Variants in CSMD1 observed in about 807,000 individuals in gnomAD.
CSMD1 encodes the protein CUB and sushi domain-containing protein 1.
A neutral mutation model predicts 417.5 loss-of-function variants in CSMD1; 213 were observed. The ratio of observed to expected loss-of-function variants is 0.51; its 90% CI spans 0.46 to 0.57. The LOEUF (loss-of-function observed/expected upper bound fraction) is 0.57. Ranked by LOEUF, CSMD1 falls within the 20% of genes least tolerant of loss-of-function variation. The pLI, the probability that CSMD1 is intolerant of heterozygous loss-of-function variation, is 0.00. For missense variants in CSMD1, 6,923 were observed against 4,529.7 expected, an observed-to-expected ratio of 1.53 and a Z score of -15.17; for synonymous variants, 2,862 against 1,736.8, an observed-to-expected ratio of 1.65 and a Z score of -16.11.
At chr8:3,062,372 T>G (rs896053999) in intron 49 of CSMD1, among the ~76,000 whole-genome samples, 1 of 152,168 alleles carries the variant, frequency 6.6e-6, no homozygotes, top group African/African-American at 2.4e-5. Context: ...TTTTCTTTAC[T>G]ATGTGTAGGT....
At chr8:3,481,594 G>C (rs953498498) in intron 11 of CSMD1, among the ~76,000 whole-genome samples, 5 of 152,204 alleles carry the variant, frequency 3.3e-5, no homozygotes, top group East Asian at 1.9e-4. Context: ...ATGTGATTAA[G>C]TTAAGGATCG....
intron 5 of CSMD1, among the ~76,000 whole-genome samples, chr8:3,962,135 C>A (rs759250245): frequency 3.3e-5 from 5 of 152,134 alleles, no homozygotes; most frequent in Non-Finnish European, 2.9e-5. Context: ...CTGTGTCCAG[C>A]CCACACCTGA....
chr8:3,966,858 T>C (rs1350258599), intron 5 of CSMD1, among the ~76,000 whole-genome samples: 1 of 152,216 alleles, frequency 6.6e-6, no homozygotes, highest in Non-Finnish European at 1.5e-5. Flanking sequence ...AGCTCTATTA[T>C]GCTGCATACA....
chr8:3,555,520 G>C (rs930139378), intron 10 of CSMD1, among the ~76,000 whole-genome samples: 1 of 152,156 alleles, frequency 6.6e-6, no homozygotes, highest in Non-Finnish European at 1.5e-5. Context: ...AGCCCCATTT[G>C]CAAAAATTCC....
At chr8:4,085,960 A>G (rs570864618) in intron 3 of CSMD1, among the ~76,000 whole-genome samples, 1 of 152,292 alleles carries the variant, frequency 6.6e-6, no homozygotes, top group African/African-American at 2.4e-5. Context: ...GTGCAAGTCA[A>G]TCTACAATTA....
At chr8:3,695,084 C>CTGTGTG (rs1585089006) in intron 7 of CSMD1, among the ~76,000 whole-genome samples, 2 of 33,234 alleles carry the variant, frequency 6.0e-5, no homozygotes, top group Middle Eastern at 0.024. Context: ...ATTGGAGGCC[C>CTGTGTG]TGCGTGTGTG....
chr8:3,107,760 G>A lies in CSMD1; in HGVS notation c.6793C>T (p.Pro2265Ser). Residue 2265 changes from proline (P) to serine (S), a missense_variant, in exon 45 of 70, where the codon CCA becomes TCA. Coordinates refer to ENST00000635120, the MANE Select transcript of CSMD1 (RefSeq NM_033225.6). The part of the protein sequence containing the change: ...LKKCQPPPAV[P>S]QAEMLTEDDD... ...TCCTCAGTAAGCATTTCTGCCTGTG[G>A]AACCGCTGGGGGAGGTTGACATTTC... 2 of 1,591,456 alleles carry A rather than the reference G, an allele frequency of 1.3e-6. No homozygotes were observed.
At chr8:4,764,595 C>G (rs879941297) in intron 1 of CSMD1, among the ~76,000 whole-genome samples, 1 of 151,438 alleles carries the variant, frequency 6.6e-6, no homozygotes, top group Non-Finnish European at 1.5e-5. Flanking sequence ...CTACTGTTTT[C>G]TAAAAAAGAG....
At chr8:3,618,728 C>G (rs1242554215) in intron 7 of CSMD1, among the ~76,000 whole-genome samples, 1 of 152,216 alleles carries the variant, frequency 6.6e-6, no homozygotes, top group African/African-American at 2.4e-5. Flanking sequence ...AAATCTGTAA[C>G]AACCAAGCAA....
At chr8:4,297,169 T>C (rs1373367341) in intron 3 of CSMD1, among the ~76,000 whole-genome samples, 1 of 152,122 alleles carries the variant, frequency 6.6e-6, no homozygotes, top group Non-Finnish European at 1.5e-5. Context: ...TAGTCATGAA[T>C]ATACTTTTAC....
At chr8:3,663,333 C>T (rs1043922468) in intron 7 of CSMD1, among the ~76,000 whole-genome samples, 1 of 152,102 alleles carries the variant, frequency 6.6e-6, no homozygotes, top group East Asian at 1.9e-4. Context: ...AGGCATGGTG[C>T]GTTCTGTTTG....
chr8:3,008,305 C>A (rs761987957), intron 52 of CSMD1, among the ~76,000 whole-genome samples: 3 of 152,162 alleles, frequency 2.0e-5, no homozygotes. Flanking sequence ...TCAGTTGAGT[C>A]TGAGGTTCAT....
intron 1 of CSMD1, among the ~76,000 whole-genome samples, chr8:4,714,877 T>C (rs1035286963): frequency 1.3e-5 from 2 of 152,228 alleles, no homozygotes; most frequent in Non-Finnish European, 2.9e-5. Flanking sequence ...AAAATCTGTA[T>C]ACCTTTAGAA....
intron 5 of CSMD1, among the ~76,000 whole-genome samples, chr8:3,881,963 G>A (rs1434960562): frequency 2.0e-5 from 3 of 152,136 alleles, no homozygotes; most frequent in African/African-American, 7.2e-5. Context: ...GAACTTGAAA[G>A]ATGAAACAAA....
chr8:4,456,807 G>A (rs184690542), intron 2 of CSMD1, among the ~76,000 whole-genome samples: 11 of 152,122 alleles, frequency 7.2e-5, no homozygotes, highest in African/African-American at 2.4e-4. Flanking sequence ...GAAGCTACCT[G>A]TGAAGGCTGA....
At chr8:3,026,613 A>G (rs908888007) in intron 51 of CSMD1, among the ~76,000 whole-genome samples, 5 of 151,908 alleles carry the variant, frequency 3.3e-5, no homozygotes, top group African/African-American at 1.2e-4. Context: ...ACCTCACTGG[A>G]CCTCACCGGG....
intron 2 of CSMD1, among the ~76,000 whole-genome samples, chr8:4,475,758 G>A (rs563492523): frequency 6.1e-4 from 93 of 152,048 alleles, no homozygotes; most frequent in East Asian, 2.7e-3. Flanking sequence ...GATTACAGGC[G>A]TGCACCACCA....
At chr8:4,246,350 G>C (rs1362109892) in intron 3 of CSMD1, among the ~76,000 whole-genome samples, 1 of 152,118 alleles carries the variant, frequency 6.6e-6, no homozygotes, top group Admixed American at 6.6e-5. Flanking sequence ...AAAGGACACG[G>C]TCAGTCCTTA....
At chr8:3,045,270 TG>T (rs1214417194) in intron 50 of CSMD1, among the ~76,000 whole-genome samples, 2 of 152,246 alleles carry the variant, frequency 1.3e-5, no homozygotes, top group African/African-American at 4.8e-5. Context: ...ATTGACTTTT[TG>T]CTGTTTAACA....
Sources: gnomAD v4.1 joint callset for allele counts (sites outside exome capture counted in the v4.1 genomes callset) on GRCh38, gnomAD v4.1.1 for gene constraint, MANE v1.5 for transcripts, NCBI Gene and HGNC (gene_info 2026-07-23, HGNC 2026-07-21) for gene names.